The following IQCM variants were observed in gnomAD, a reference collection of about 807,000 sequenced individuals.
The protein encoded by IQCM is IQ domain-containing protein M.
In IQCM, 45 loss-of-function variants were observed where a neutral mutation model predicts 57.6. The ratio of observed to expected loss-of-function variants is 0.78; its 90% CI spans 0.62 to 1.00. The LOEUF is 1.00. Among genes scored for constraint, IQCM ranks in the 50% least tolerant of loss-of-function variants. The pLI is 0.00. For synonymous variants in IQCM, 148 were observed against 158.9 expected (o/e 0.93, Z 0.51); for missense variants, 468 against 511.6 (o/e 0.91, Z 0.82).
chr4:149,687,295 T>G (rs1297518513), intron 5 of IQCM, among the ~76,000 whole-genome samples: 2 of 151,422 alleles, frequency 1.3e-5, no homozygotes, highest in Admixed American at 1.3e-4. Context: ...TTTGTAGAAA[T>G]GGAAAACAGA....
chr4:149,715,746 G>A (rs1231793011), intron 5 of IQCM, among the ~76,000 whole-genome samples: 2 of 152,170 alleles, frequency 1.3e-5, no homozygotes, highest in Admixed American at 6.5e-5. Context: ...CAGGAGACCC[G>A]AAGTGGGTAG....
At chr4:149,532,686 C>T (rs1206520339) in intron 12 of IQCM, among the ~76,000 whole-genome samples, 1 of 152,014 alleles carries the variant, frequency 6.6e-6, no homozygotes, top group African/African-American at 2.4e-5. Flanking sequence ...TTAGTATGGG[C>T]ATGTGGCCTT....
At chr4:149,476,619 C>A (rs990068163) in intron 12 of IQCM, among the ~76,000 whole-genome samples, 2 of 151,804 alleles carry the variant, frequency 1.3e-5, no homozygotes, top group African/African-American at 2.4e-5. Flanking sequence ...GAAAAAAAAA[C>A]CATTATCTTG....
At chr4:149,401,373 A>T (rs1732608110) in intron 13 of IQCM, among the ~76,000 whole-genome samples, 2 of 151,810 alleles carry the variant, frequency 1.3e-5, no homozygotes, top group Admixed American at 6.6e-5. Context: ...AGACTTTGAG[A>T]ATCCAGTCCC....
intron 2 of IQCM, among the ~76,000 whole-genome samples, chr4:149,812,242 C>T (rs1774632105): frequency 6.6e-6 from 1 of 152,122 alleles, no homozygotes; most frequent in African/African-American, 2.4e-5. Context: ...TCCTTAAACA[C>T]CAAATATCAC....
intron 12 of IQCM, among the ~76,000 whole-genome samples, chr4:149,509,893 A>G (rs1355281310): frequency 6.6e-6 from 1 of 152,032 alleles, no homozygotes; most frequent in Non-Finnish European, 1.5e-5. Flanking sequence ...CATCATTCTC[A>G]TATTAATAAC....
intron 7 of IQCM, among the ~76,000 whole-genome samples, chr4:149,637,093 A>T (rs1441748830): frequency 6.9e-6 from 1 of 145,312 alleles, no homozygotes; most frequent in Non-Finnish European, 1.5e-5. Context: ...CAGTGAGCCG[A>T]GATTGCGCCA....
chr4:149,354,363 CAAAAAA>C (rs70965178), intron 13 of IQCM, among the ~76,000 whole-genome samples: 46 of 20,256 alleles, frequency 2.3e-3, no homozygotes, highest in East Asian at 0.021. Context: ...GACTCCGTCT[CAAAAAA>C]AAAAAAAAAA....
intron 7 of IQCM, among the ~76,000 whole-genome samples, chr4:149,635,606 GCTTATCATTAA>G: frequency 6.6e-6 from 1 of 152,088 alleles, no homozygotes; most frequent in Admixed American, 6.5e-5. Flanking sequence ...TCTGAAAATA[GCTTATCATTAA>G]CTTATCTATT....
intron 10 of IQCM, among the ~76,000 whole-genome samples, chr4:149,561,502 T>C (rs894238924): frequency 6.6e-6 from 1 of 152,126 alleles, no homozygotes; most frequent in African/African-American, 2.4e-5. Context: ...AGTGCCTACA[T>C]ATAATCAAAT....
intron 7 of IQCM, among the ~76,000 whole-genome samples, chr4:149,629,363 C>T (rs569796427): frequency 6.6e-6 from 1 of 152,248 alleles, no homozygotes; most frequent in South Asian, 2.1e-4. Context: ...CTTGCAAAGA[C>T]TAAACATTTT....
intron 7 of IQCM, among the ~76,000 whole-genome samples, chr4:149,661,245 G>A (rs1228716835): frequency 6.6e-6 from 1 of 152,066 alleles, no homozygotes; most frequent in East Asian, 1.9e-4. Flanking sequence ...TTCTGTTAAT[G>A]TGGTATATCA....
intron 13 of IQCM, among the ~76,000 whole-genome samples, chr4:149,372,067 C>T (rs901601136): frequency 3.3e-5 from 5 of 152,142 alleles, no homozygotes; most frequent in Non-Finnish European, 2.9e-5. Flanking sequence ...TCACAACTAA[C>T]GAGGAAACTA....
At chr4:149,399,949 G>A (rs542350079) in intron 13 of IQCM, among the ~76,000 whole-genome samples, 1 of 151,892 alleles carries the variant, frequency 6.6e-6, no homozygotes, top group South Asian at 2.1e-4. Flanking sequence ...TTTAAGGGTG[G>A]ACACACACAC....
chr4:149,761,085 T>C (rs1769465181), intron 2 of IQCM, among the ~76,000 whole-genome samples: 1 of 152,084 alleles, frequency 6.6e-6, no homozygotes, highest in Admixed American at 6.6e-5. Context: ...TTCTGCCAAT[T>C]ACTTGGGCTA....
chr4:149,481,723 G>GTTTTTTTTTTT (rs1740903527), intron 12 of IQCM, among the ~76,000 whole-genome samples: 6 of 9,340 alleles, frequency 6.4e-4, no homozygotes, highest in East Asian at 3.4e-3. Context: ...TTTTTTTTTT[G>GTTTTTTTTTTT]CTTTTTGCTT....
intron 6 of IQCM, among the ~76,000 whole-genome samples, chr4:149,685,957 A>C (rs147437071): frequency 2.1e-4 from 32 of 151,700 alleles, no homozygotes; most frequent in African/African-American, 7.2e-4. Flanking sequence ...CTGTAGAACC[A>C]GTGTCACCTT....
intron 7 of IQCM, among the ~76,000 whole-genome samples, chr4:149,626,688 T>C (rs1019544781): frequency 2.6e-5 from 4 of 152,112 alleles, no homozygotes; most frequent in Non-Finnish European, 2.9e-5. Context: ...GTCTGTTACC[T>C]TTGGCTGTGA....
At chr4:149,555,451 T>A (rs1436280514) in intron 10 of IQCM, among the ~76,000 whole-genome samples, 5 of 152,112 alleles carry the variant, frequency 3.3e-5, no homozygotes, top group Non-Finnish European at 7.3e-5. Flanking sequence ...AGTGAAACAG[T>A]GGGAAATCTA....
Sources: allele counts gnomAD v4.1 joint callset (sites outside exome capture counted in the v4.1 genomes callset), GRCh38; gene constraint gnomAD v4.1.1; transcripts MANE v1.5; gene names NCBI Gene and HGNC (gene_info 2026-07-23, HGNC 2026-07-21).